The following ETV5 variants were observed in gnomAD, a reference collection of about 807,000 sequenced individuals.
ETV5 encodes the protein ETS variant transcription factor 5.
Under a neutral mutation model 70.0 loss-of-function variants are expected in ETV5, and 10 were observed. The ratio of observed to expected loss-of-function variants is 0.14; its 90% CI spans 0.09 to 0.24. ETV5 has a LOEUF of 0.24. Among genes scored for constraint, ETV5 ranks in the 10% least tolerant of loss-of-function variants. ETV5 has a pLI of 1.00. For missense variants in ETV5, 453 were observed against 651.2 expected (o/e 0.70, Z 3.31); for synonymous variants, 216 against 242.2 (o/e 0.89, Z 1.01).
chr3:186,064,006 A>G (rs1249789513), intron 9 of ETV5, among the ~76,000 whole-genome samples: 1 of 152,228 alleles, frequency 6.6e-6, no homozygotes, highest in Non-Finnish European at 1.5e-5. Context: ...CCTCACTGAC[A>G]TAACTCCTAA....
At chr3:186,051,993 G>C (rs1428854877) in intron 12 of ETV5, 37 bp downstream of exon 12, 1 of 1,600,020 alleles carries the variant, frequency 6.2e-7, no homozygotes, top group East Asian at 2.2e-5. Flanking sequence ...CCTTAAAAGA[G>C]ACCAGAGTGG....
At chr3:186,084,305 A>AG in intron 5 of ETV5, 1 of 381,310 alleles carries the variant, frequency 2.6e-6, no homozygotes, top group South Asian at 1.9e-5. Flanking sequence ...AAAAAAAAAA[A>AG]GTTGACATTT....
chr3:186,066,098 T>G (rs1713436373), intron 7 of ETV5, 26 bp from the exon 8 acceptor site: 2 of 1,538,698 alleles, frequency 1.3e-6, no homozygotes, highest in South Asian at 2.5e-5. Flanking sequence ...GGTTTTCATG[T>G]TGAACAAAGA....
intron 1 of ETV5, among the ~76,000 whole-genome samples, chr3:186,108,230 C>G (rs1156870732): frequency 6.6e-6 from 1 of 151,122 alleles, no homozygotes; most frequent in Non-Finnish European, 1.5e-5. Context: ...TAATCCGCTG[C>G]GAGGCTGCAG....
chr3:186,064,281 G>A (rs1017451828), intron 9 of ETV5, 136 bp downstream of exon 9: 5 of 769,690 alleles, frequency 6.5e-6, no homozygotes, highest in Non-Finnish European at 8.6e-6. Flanking sequence ...CCTGGAAACT[G>A]AGCAATTTTA....
intron 6 of ETV5, 101 bp downstream of exon 6, chr3:186,080,945 G>T: frequency 2.2e-6 from 3 of 1,388,446 alleles, no homozygotes; most frequent in African/African-American, 2.9e-5. Flanking sequence ...TTTTACCACA[G>T]GGTCTGCTGG....
In ETV5 at chr3:186,046,889, T is replaced by C. The variant is rs1438018554; in HGVS notation, c.*1750A>G. 1.7e-5 allele frequency: 4 copies of C among 231,308 alleles called. No homozygotes were observed. Among genetic ancestry groups the C allele is most frequent in the African/African-American group, 8.8e-5 (4 of 45,220 alleles). The allele number at this position is 231,308 out of a possible 1,614,324, so 14.3% of individuals were successfully genotyped here. On this transcript the variant is annotated 3_prime_UTR_variant, in exon 13 of 13. Transcript: ENST00000306376. ...GCCCAATCTACAGGTTTACCACCTTTGTGGGCTAATTAGCTTCCAATAGAG... is the reference window on the plus strand; with the variant it reads ...GCCCAATCTACAGGTTTACCACCTTCGTGGGCTAATTAGCTTCCAATAGAG...
chr3:186,074,819 C>T (rs1379066184), intron 7 of ETV5, among the ~76,000 whole-genome samples: 1 of 147,378 alleles, frequency 6.8e-6, no homozygotes. Context: ...CCAGATGGCG[C>T]CACTGCACTC....
chr3:186,104,468 C>T (rs1043850959), intron 5 of ETV5, among the ~76,000 whole-genome samples: 4 of 152,124 alleles, frequency 2.6e-5, no homozygotes, highest in Non-Finnish European at 5.9e-5. Context: ...GTAAATCAGG[C>T]CACTCTGTGA....
intron 5 of ETV5, among the ~76,000 whole-genome samples, chr3:186,103,613 T>G (rs1714516201): frequency 7.6e-6 from 1 of 131,016 alleles, no homozygotes. Flanking sequence ...CTGTCTTTCA[T>G]CTTGCAAACA....
chr3:186,107,270 A>C (rs998263134), intron 1 of ETV5, among the ~76,000 whole-genome samples: 2 of 152,198 alleles, frequency 1.3e-5, no homozygotes, highest in Non-Finnish European at 2.9e-5. Flanking sequence ...ACCACAAGAA[A>C]TGTTCAGAAT....
At chr3:186,051,114 G>C (rs879708388) in intron 12 of ETV5, among the ~76,000 whole-genome samples, 5 of 152,212 alleles carry the variant, frequency 3.3e-5, no homozygotes, top group Admixed American at 6.5e-5. Context: ...TGACGCACTA[G>C]CAAGTCTAGA....
intron 7 of ETV5, among the ~76,000 whole-genome samples, chr3:186,078,780 C>T (rs1352424519): frequency 2.0e-5 from 3 of 152,080 alleles, no homozygotes; most frequent in Non-Finnish European, 4.4e-5. Flanking sequence ...GAATAAACAG[C>T]AACCAGCCAT....
In ETV5 at chr3:186,052,303, C is replaced by T. The variant is rs372689644; in HGVS notation, c.1210-172G>A. ...CTCAAGACCAAACATTCAACAAAGGCGATGATTCAGTGACAACTACTAGGA... is the reference window on the plus strand; with the variant it reads ...CTCAAGACCAAACATTCAACAAAGGTGATGATTCAGTGACAACTACTAGGA... On this transcript the variant is annotated intron_variant, in intron 11 of 12. Coordinates refer to ENST00000306376, the MANE Select transcript of ETV5 (RefSeq NM_004454.3). This position sits in a 1 kb window ranked among gnomAD's most constrained non-coding sequence, Gnocchi z 4.5. Among the ~76,000 whole-genome samples the T allele has an allele frequency of 6.7e-4, 102 of 152,240 alleles. No homozygotes were observed. The highest frequency in any genetic ancestry group is 1.1e-3 in the African/African-American group (45 of 41,546).
At chr3:186,065,219 G>A (rs1188021704) in intron 8 of ETV5, among the ~76,000 whole-genome samples, 1 of 152,150 alleles carries the variant, frequency 6.6e-6, no homozygotes, top group Non-Finnish European at 1.5e-5. Context: ...TCTGTTGAGT[G>A]TCTTGCTTTA....
chr3:186,094,957 C>G (rs1714269452), intron 5 of ETV5, among the ~76,000 whole-genome samples: 1 of 152,126 alleles, frequency 6.6e-6, no homozygotes, highest in Non-Finnish European at 1.5e-5. Context: ...ACAGAGCTGG[C>G]ATGTTGGTTA....
At position 186,057,026 on chromosome 3, in the gene ETV5, TCAA is replaced by T. The variant is rs750595343; in HGVS notation, c.1209+46_1209+48del. 30 of 1,584,290 alleles carry T rather than the reference TCAA, an allele frequency of 1.9e-5. No individual in the cohort carries two copies. The highest frequency in any genetic ancestry group is 3.4e-4 in the Middle Eastern group (2 of 5,942). On this transcript the variant is annotated intron_variant, in intron 11 of 12. Transcript: ENST00000306376. The surrounding 1 kb of genome is among the most constrained non-coding windows in gnomAD (Gnocchi z 4.9). The stretch of plus-strand genomic sequence containing the variant: ...ATGGAAATCTAAACAAAAAACATCA[TCAA>T]CAACAACAAATCAAAACCCGTCTGA...
At chr3:186,082,619 C>T (rs1320318691) in intron 5 of ETV5, among the ~76,000 whole-genome samples, 1 of 152,124 alleles carries the variant, frequency 6.6e-6, no homozygotes, top group Non-Finnish European at 1.5e-5. Flanking sequence ...CAGGGTTTCA[C>T]CATGTTGGCC....
rs1712893930 is a variant in ETV5, at chr3:186,046,936, C to A, written c.*1703G>T. 1 of 230,682 alleles carries A rather than the reference C, an allele frequency of 4.3e-6. No homozygotes were observed. Among genetic ancestry groups the A allele is most frequent in the Admixed American group, 5.7e-5 (1 of 17,674 alleles). The allele number at this position is 230,682 out of a possible 1,614,324, so 14.3% of individuals were successfully genotyped here. On this transcript the variant is annotated 3_prime_UTR_variant, in exon 13 of 13. Transcript: ENST00000306376. ...AGAGGAGAATCTCATGTTTCCATAG[C>A]TATAAAGTGCACCCCTTATCCCTGC...
Sources: gnomAD v4.1 joint callset for allele counts (sites outside exome capture counted in the v4.1 genomes callset) on GRCh38, gnomAD v4.1.1 for gene constraint, Gnocchi (gnomAD v3.1) non-coding constraint, MANE v1.5 for transcripts, NCBI Gene and HGNC (gene_info 2026-07-23, HGNC 2026-07-21) for gene names.